Variants in TPGS2 observed in about 807,000 individuals in gnomAD.
TPGS2 encodes the protein polyglutamylase subunit 2.
A neutral mutation model predicts 31.1 loss-of-function variants in TPGS2; 26 were observed. That is an observed-to-expected ratio of 0.84 (90% CI 0.61 to 1.16). The LOEUF (loss-of-function observed/expected upper bound fraction) is 1.16. Among genes scored for constraint, TPGS2 ranks in the 50% most tolerant of loss-of-function variants. TPGS2 has a pLI of 0.00. For synonymous variants in TPGS2, 130 were observed against 136.6 expected, an observed-to-expected ratio of 0.95 and a Z score of 0.34; for missense variants, 351 against 363.8, an observed-to-expected ratio of 0.96 and a Z score of 0.29.
chr18:36,795,300 A>C lies in TPGS2; in HGVS notation c.*1505T>G. On this transcript the variant is annotated 3_prime_UTR_variant, in exon 7 of 7. Transcript: ENST00000334295. Reference sequence around the variant, plus strand: ...ACCCTGGGTCGATTAGCAGGTAGACAGTGCAAAGGAAGGAAGTCTGGCCAA... The same window carrying C: ...ACCCTGGGTCGATTAGCAGGTAGACCGTGCAAAGGAAGGAAGTCTGGCCAA... The C allele has an allele frequency of 3.0e-6, 3 of 985,556 alleles. No individual in the cohort carries two copies. Among genetic ancestry groups the C allele is most frequent in the Non-Finnish European group, 3.6e-6 (3 of 830,018 alleles). The allele number at this position is 985,556 out of a possible 1,614,324, so 61.1% of individuals were successfully genotyped here.
chr18:36,794,556 AAC>A lies in TPGS2; in HGVS notation c.*2247_*2248del. On this transcript the variant is annotated 3_prime_UTR_variant, in exon 7 of 7. Transcript: ENST00000334295. The stretch of plus-strand genomic sequence containing the variant: ...GCAGTGGAAGATGACATAACTTCTC[AAC>A]TCCCTTCTAACCTCGCTTGTCTTGG... 5.1e-6 allele frequency: 5 copies of A among 985,316 alleles called. No homozygotes were observed. The South Asian group carries it at 2.4e-4, about 46-fold the overall frequency. 61.0% of individuals were successfully genotyped at this position (985,316 alleles called of 1,614,324 possible).
At chr18:36,821,929 G>C (rs1444847904) in intron 1 of TPGS2, among the ~76,000 whole-genome samples, 3 of 152,202 alleles carry the variant, frequency 2.0e-5, no homozygotes, top group Admixed American at 6.5e-5. Context: ...GACTCCCTCT[G>C]GTGACTGGGA....
At chr18:36,821,796 G>A (rs1017510225) in intron 1 of TPGS2, among the ~76,000 whole-genome samples, 3 of 152,214 alleles carry the variant, frequency 2.0e-5, no homozygotes, top group Non-Finnish European at 4.4e-5. Flanking sequence ...GGCCTTGAAG[G>A]ATGATGTGGC....
Position 36,807,947 on chromosome 18 carries a change from A to C in TPGS2, c.166-13T>G. The C allele has an allele frequency of 1.2e-6, 2 of 1,614,090 alleles. No individual in the cohort carries two copies. The highest frequency in any genetic ancestry group is 1.7e-6 in the Non-Finnish European group (2 of 1,179,972). On this transcript the variant is annotated splice_polypyrimidine_tract_variant and intron_variant, in intron 2 of 6. Transcript: ENST00000334295. ...CACAGTTATTCTTCTAGAATCACAAAGCAGCTAAGTGTTAGGTAAGGGCTG... is the reference window on the plus strand; with the variant it reads ...CACAGTTATTCTTCTAGAATCACAACGCAGCTAAGTGTTAGGTAAGGGCTG...
At position 36,798,445 on chromosome 18, in the gene TPGS2, T is replaced by C. The variant is rs778769224; in HGVS notation, c.657+4A>G. 5.0e-6 allele frequency: 8 copies of C among 1,614,064 alleles called. No individual in the cohort carries two copies. In the African/African-American group the frequency reaches 1.1e-4, roughly 22 times the overall value. On this transcript the variant is annotated splice_donor_region_variant and intron_variant, in intron 6 of 6. Transcript: ENST00000334295. ...GTTTACAATGGCAGGTGTTCCTCCC[T>C]TACCTTGGCCTGTGGGCTAATGCCA...
downstream of TPGS2, among the ~76,000 whole-genome samples, chr18:36,793,838 C>T (rs935276210): frequency 8.6e-5 from 13 of 151,848 alleles, no homozygotes; most frequent in Non-Finnish European, 1.3e-4. Context: ...CCCAGGTTCA[C>T]GCCATTCTCC....
At chr18:36,808,177 A>G (rs1212206702) in intron 2 of TPGS2, among the ~76,000 whole-genome samples, 7 of 152,134 alleles carry the variant, frequency 4.6e-5, no homozygotes, top group African/African-American at 1.7e-4. Flanking sequence ...TAATGCCTCA[A>G]TGGGCAGCCA....
chr18:36,793,492 C>T (rs2044384740), downstream of TPGS2, among the ~76,000 whole-genome samples: 1 of 152,152 alleles, frequency 6.6e-6, no homozygotes. Flanking sequence ...ACATGAATGA[C>T]CTATGTCATT....
At chr18:36,801,956 T>C (rs1232700776) in intron 4 of TPGS2, among the ~76,000 whole-genome samples, 1 of 152,232 alleles carries the variant, frequency 6.6e-6, no homozygotes, top group Non-Finnish European at 1.5e-5. Flanking sequence ...TTATACCATA[T>C]GTTGTCCCTC....
chr18:36,799,551 A>G (rs2044701503), intron 5 of TPGS2, among the ~76,000 whole-genome samples: 1 of 151,952 alleles, frequency 6.6e-6, no homozygotes, highest in East Asian at 1.9e-4. Flanking sequence ...TCTAATTCCT[A>G]CCCCACAGTT....
At chr18:36,827,635 G>T (rs1414856729) in intron 1 of TPGS2, among the ~76,000 whole-genome samples, 4 of 152,202 alleles carry the variant, frequency 2.6e-5, no homozygotes, top group Non-Finnish European at 5.9e-5. Flanking sequence ...GTGATGGGAA[G>T]GCACTGAAGC....
chr18:36,798,380 A>T, intron 6 of TPGS2, 69 bp downstream of exon 6: 1 of 1,602,454 alleles, frequency 6.2e-7, no homozygotes, highest in East Asian at 2.2e-5. Flanking sequence ...GGGAACCTGC[A>T]ATGTAACCAT....
chr18:36,783,018 G>T (rs1030404684), exon 7 of TPGS2: 66 of 398,330 alleles, frequency 1.7e-4, no homozygotes, highest in Non-Finnish European at 2.5e-4. Context: ...AGCAGTCGGG[G>T]TGTGCCAGTG....
chr18:36,802,354 C>T (rs932779496), intron 4 of TPGS2, among the ~76,000 whole-genome samples: 15 of 152,212 alleles, frequency 9.9e-5, no homozygotes, highest in Admixed American at 9.2e-4. Flanking sequence ...CCAGCTTCTG[C>T]CTGCTTTTGA....
chr18:36,795,911 G>GAGTT lies in TPGS2; in HGVS notation c.*890_*893dup. The GAGTT allele has an allele frequency of 2.0e-6, 2 of 985,432 alleles. No homozygotes were observed. Among genetic ancestry groups the GAGTT allele is most frequent in the African/African-American group, 3.5e-5 (2 of 57,360 alleles). The allele number at this position is 985,432 out of a possible 1,614,324, so 61.0% of individuals were successfully genotyped here. On this transcript the variant is annotated 3_prime_UTR_variant, in exon 7 of 7. Coordinates refer to ENST00000334295, the MANE Select transcript of TPGS2 (RefSeq NM_015476.4). ...ACCATTAAAACTCTTTCTTTATGAA[G>GAGTT]AGTTGTGCAAAACAATGTTTGGGAA...
chr18:36,787,413 C>T (rs1177536715), intron 6 of TPGS2, among the ~76,000 whole-genome samples: 1 of 152,216 alleles, frequency 6.6e-6, no homozygotes, highest in Non-Finnish European at 1.5e-5. Context: ...GGAGAGCGAT[C>T]CCACTGGGGA....
chr18:36,826,080 C>T (rs985976543), intron 1 of TPGS2, among the ~76,000 whole-genome samples: 2 of 151,946 alleles, frequency 1.3e-5, no homozygotes, highest in East Asian at 1.9e-4. Context: ...TCTTGTTGCC[C>T]GGGCTGGAGT....
chr18:36,796,463 T>G lies in TPGS2; in HGVS notation c.*342A>C. On this transcript the variant is annotated 3_prime_UTR_variant, in exon 7 of 7. Coordinates refer to ENST00000334295, the MANE Select transcript of TPGS2 (RefSeq NM_015476.4). The stretch of plus-strand genomic sequence containing the variant: ...TGAACAATGCAGTTCTAATGCTTCA[T>G]GGGTCAAAACCAGTGGTTTCTTTGG... 2 of 1,058,418 alleles carry G rather than the reference T, an allele frequency of 1.9e-6. No homozygotes were observed. The highest frequency in any genetic ancestry group is 1.1e-6 in the Non-Finnish European group (1 of 878,574). The allele number at this position is 1,058,418 out of a possible 1,614,324, so 65.6% of individuals were successfully genotyped here. A position where few individuals can be genotyped will look rare whatever the true frequency, so the allele number is the denominator to read the frequency against.
intron 6 of TPGS2, among the ~76,000 whole-genome samples, chr18:36,797,375 G>A (rs2044581065): frequency 6.6e-6 from 1 of 151,964 alleles, no homozygotes; most frequent in African/African-American, 2.4e-5. Flanking sequence ...AGAGGACAGC[G>A]TCTATTGTTC....
Sources: gnomAD v4.1 joint callset for allele counts (sites outside exome capture counted in the v4.1 genomes callset) on GRCh38, gnomAD v4.1.1 for gene constraint, MANE v1.5 for transcripts, NCBI Gene and HGNC (gene_info 2026-07-23, HGNC 2026-07-21) for gene names.